Variants in GPT observed in about 807,000 individuals in gnomAD.
GPT encodes alanine aminotransferase 1.
A neutral mutation model predicts 51.4 loss-of-function variants in GPT; 60 were observed. The observed-to-expected ratio is 1.17, with a 90% CI of 0.95 to 1.45. The LOEUF is 1.45. GPT is among the 40% of genes most tolerant of loss of function. The probability of loss-of-function intolerance (pLI) is 0.00; values close to 1 mark genes in which losing one functional copy is unlikely to be tolerated. For missense variants in GPT, 853 were observed against 704.0 expected (o/e 1.21, Z -2.40); for synonymous variants, 397 against 303.1 (o/e 1.31, Z -3.22).
In GPT at chr8:144,506,844, G is replaced by A. The variant is rs750175698; in HGVS notation, c.1400+1G>A. 9 of 1,612,594 alleles carry A rather than the reference G, an allele frequency of 5.6e-6. No homozygotes were observed. The East Asian group carries it at 1.1e-4, about 20-fold the overall frequency. ...AGCGGGAAGGCACCTACCACTTCCG[G>A]TGAGGCCTGGCCCTCACTCCCTGTC... On this transcript the variant is annotated splice_donor_variant, in intron 10 of 10. Transcript: ENST00000394955. LOFTEE classifies it high-confidence loss of function. The surrounding 1 kb of genome is among the most constrained non-coding windows in gnomAD (Gnocchi z 7.0).
rs376386494 is a variant in GPT, at chr8:144,506,010, G to C, written c.835G>C (p.Val279Leu). The C allele has an allele frequency of 6.8e-6, 11 of 1,612,292 alleles. No homozygotes were observed. The African/African-American group carries it at 1.5e-4, about 22-fold the overall frequency. Residue 279 changes from valine (V) to leucine (L), a missense_variant, in exon 7 of 11, where the codon GTG (valine) becomes CTG (leucine). By Grantham distance (32) the Val-to-Leu change is conservative. Transcript: ENST00000394955. The surrounding 1 kb of genome is among the most constrained non-coding windows in gnomAD (Gnocchi z 7.0). ...LLADEVYQDN[V>L]YAAGSQFHSF... ...GCCCTTCCAGGTGTACCAGGACAAC[G>C]TGTACGCCGCGGGTTCGCAGTTCCA...
rs775104723 is a variant in GPT, at chr8:144,506,636, C to T, written c.1267C>T (p.Arg423Trp). The T allele has an allele frequency of 5.4e-6, 7 of 1,301,142 alleles. No homozygotes were observed. The highest frequency in any genetic ancestry group is 4.9e-5 in the South Asian group (4 of 81,276). The allele number at this position is 1,301,142 out of a possible 1,614,324, so 80.6% of individuals were successfully genotyped here. A position where few individuals can be genotyped will look rare whatever the true frequency, so the allele number is the denominator to read the frequency against. Residue 423 changes from arginine to tryptophan, a missense_variant, in exon 9 of 11, where the codon CGG (arginine) becomes TGG (tryptophan). Arg to Trp is a moderately radical substitution (Grantham distance 101). Transcript: ENST00000394955. The surrounding 1 kb of genome is among the most constrained non-coding windows in gnomAD (Gnocchi z 7.0). ...YSFPRVQLPP[R>W]AVERAQELGL... ...CTTCCCGCGCGTGCAGCTGCCCCCG[C>T]GGGCGGTGGAGCGCGCTCAGGTCAG...
At position 144,506,955 on chromosome 8, in the gene GPT, G is replaced by T. The variant is rs760337307; in HGVS notation, c.1446G>T (p.Glu482Asp). The T allele has an allele frequency of 3.1e-6, 5 of 1,612,740 alleles. No homozygotes were observed. Among genetic ancestry groups the T allele is most frequent in the Non-Finnish European group, 4.2e-6 (5 of 1,179,974 alleles). Residue 482 changes from glutamate to aspartate, a missense_variant, in exon 11 of 11, where the codon GAG (glutamate) becomes GAT (aspartate). Glu to Asp is a conservative substitution (Grantham distance 45). Transcript: ENST00000394955. This position sits in a 1 kb window ranked among gnomAD's most constrained non-coding sequence, Gnocchi z 7.0. ...TGGAGAAACTGCGGCTGCTGCTGGA[G>T]AAGCTGAGCAGGTTCCATGCCAAGT... The part of the protein sequence containing the change: ...PPLEKLRLLL[E>D]KLSRFHAKFT...
At position 144,506,572 on chromosome 8, in the gene GPT, T is replaced by A. The variant is rs762649719; in HGVS notation, c.1203T>A (p.Pro401=). Residue 401 remains proline (P), a synonymous_variant, in exon 9 of 11, where the codon CCT becomes CCA. Transcript: ENST00000394955. This position sits in a 1 kb window ranked among gnomAD's most constrained non-coding sequence, Gnocchi z 7.0. ...KLTEQVFNEA[P]GISCNPVQGA... is the part of the protein sequence containing the mutation. ...CCGAGCAGGTCTTCAATGAGGCTCC[T>A]GGCATCAGCTGCAACCCAGTGCAGG... 1.8e-5 allele frequency: 28 copies of A among 1,579,068 alleles called. No homozygotes were observed. The East Asian group carries it at 5.5e-4, about 31-fold the overall frequency.
rs752596725 is a variant in GPT, at chr8:144,504,364, G to A, written c.60G>A (p.Val20=). 23 of 1,611,306 alleles carry A rather than the reference G, an allele frequency of 1.4e-5. No individual in the cohort carries two copies. The Admixed American group carries it at 3.0e-4, about 21-fold the overall frequency. Residue 20 remains valine, a synonymous_variant, in exon 1 of 11, where the codon GTG becomes GTA. Transcript: ENST00000394955. ...TGAGGCATGGACTGAGGGCGAAGGTGCTGACGCTGGACGGCATGAACCCGC... is the reference window on the plus strand; with the variant it reads ...TGAGGCATGGACTGAGGGCGAAGGTACTGACGCTGGACGGCATGAACCCGC... ...QAVRHGLRAK[V]LTLDGMNPRV...
In GPT at chr8:144,504,754, G is replaced by C. The variant is rs773436396; in HGVS notation, c.253-17G>C. On this transcript the variant is annotated splice_polypyrimidine_tract_variant and intron_variant, in intron 2 of 10. Coordinates refer to ENST00000394955, the MANE Select transcript of GPT (RefSeq NM_005309.3). ...CCCCAGCCCATGTGCCCTGGCCTCA[G>C]CACTCCGTCTTCCCAGGTCTTGGCC... The C allele has an allele frequency of 6.2e-6, 10 of 1,610,810 alleles. No homozygotes were observed. The highest frequency in any genetic ancestry group is 1.7e-4 in the Middle Eastern group (1 of 6,058).
At chr8:144,505,957 G>A (rs1217316770) in intron 6 of GPT, 30 bp downstream of exon 6, 6 of 1,611,898 alleles carry the variant, frequency 3.7e-6, no homozygotes, top group East Asian at 4.5e-5. Context: ...GGGAAGCCGG[G>A]CAACAGTCCG....
rs551989240 is a variant in GPT, at chr8:144,506,022, G to A, written c.847G>A (p.Gly283Ser). ...EVYQDNVYAAGSQFHSFKKVL... is the reference protein window; with the variant it reads ...EVYQDNVYAASSQFHSFKKVL... ...GTACCAGGACAACGTGTACGCCGCG[G>A]GTTCGCAGTTCCACTCATTCAAGAA... Residue 283 changes from glycine to serine, a missense_variant, in exon 7 of 11, where the codon GGT (glycine) becomes AGT (serine). By Grantham distance (56) the Gly-to-Ser change is moderately conservative. Coordinates refer to ENST00000394955, the MANE Select transcript of GPT (RefSeq NM_005309.3). This position sits in a 1 kb window ranked among gnomAD's most constrained non-coding sequence, Gnocchi z 7.0. 6 of 1,612,430 alleles carry A rather than the reference G, an allele frequency of 3.7e-6. No homozygotes were observed. The highest frequency in any genetic ancestry group is 1.6e-4 in the Middle Eastern group (1 of 6,062).
upstream of GPT, chr8:144,504,034 C>G (rs1826661479): frequency 1.8e-6 from 1 of 546,420 alleles, no homozygotes; most frequent in South Asian, 2.0e-5. Context: ...CAAGCCCCGC[C>G]TGCCACCTCA....
rs1459669623 is a variant in GPT, at chr8:144,506,191, TG to T, written c.957-38del. ...CCATGGCCAGGCCCTCCTCGCCCGATGGGCCACCCCCTCCTCCGCACCTGAC... is the reference window on the plus strand; with the variant it reads ...CCATGGCCAGGCCCTCCTCGCCCGATGGCCACCCCCTCCTCCGCACCTGAC... On this transcript the variant is annotated intron_variant, in intron 7 of 10. Coordinates refer to ENST00000394955, the MANE Select transcript of GPT (RefSeq NM_005309.3). The surrounding 1 kb of genome is among the most constrained non-coding windows in gnomAD (Gnocchi z 7.0). The T allele has an allele frequency of 6.2e-7, 1 of 1,601,652 alleles. No individual in the cohort carries two copies. The highest frequency in any genetic ancestry group is 1.1e-5 in the South Asian group (1 of 90,092).
upstream of GPT, chr8:144,504,026 A>C (rs1826659915): frequency 1.9e-6 from 1 of 530,780 alleles, no homozygotes; most frequent in South Asian, 2.0e-5. Flanking sequence ...CCTTGCCCCA[A>C]GCCCCGCCTG....
At position 144,504,706 on chromosome 8, in the gene GPT, C is replaced by T. The variant is rs774627632; in HGVS notation, c.252+13C>T. 13 of 1,612,348 alleles carry T rather than the reference C, an allele frequency of 8.1e-6. No homozygotes were observed. In the East Asian group the frequency reaches 2.4e-4, roughly 30 times the overall value. ...CTTCCTGCGCCAGGTGAGGCTCCTG[C>T]ACTGCCCGGAGCACCCCCCCACCCC... On this transcript the variant is annotated intron_variant, in intron 2 of 10. Coordinates refer to ENST00000394955, the MANE Select transcript of GPT (RefSeq NM_005309.3).
upstream of GPT, among the ~76,000 whole-genome samples, chr8:144,503,403 G>A (rs1365189527): frequency 1.3e-5 from 2 of 152,160 alleles, no homozygotes; most frequent in Admixed American, 1.3e-4. Flanking sequence ...GAACAAGAGG[G>A]CTGGAGAGCT....
At chr8:144,504,541 T>C (rs1426853483) in intron 1 of GPT, 63 bp from the exon 2 acceptor site, 3 of 1,609,886 alleles carry the variant, frequency 1.9e-6, no homozygotes, top group Admixed American at 1.7e-5. Flanking sequence ...CACTGGCACA[T>C]GGGACAAGGG....
In GPT at chr8:144,504,165, G is replaced by A. The variant is rs527990674; in HGVS notation, c.-140G>A. 2.3e-6 allele frequency: 2 copies of A among 858,954 alleles called. No homozygotes were observed. Among genetic ancestry groups the A allele is most frequent in the Non-Finnish European group, 3.7e-6 (2 of 535,936 alleles). The allele number at this position is 858,954 out of a possible 1,614,324, so 53.2% of individuals were successfully genotyped here. A position where few individuals can be genotyped will look rare whatever the true frequency, so the allele number is the denominator to read the frequency against. On this transcript the variant is annotated 5_prime_UTR_variant, in exon 1 of 11. The change creates a new upstream start codon in the 5' untranslated region. Coordinates refer to ENST00000394955, the MANE Select transcript of GPT (RefSeq NM_005309.3). Reference sequence around the variant, plus strand: ...AGTGAGGCCAGCTGCGGTGAAGAGGGTGCTCTCTTGCCTGGAGTTCCCTCT... The same window carrying A: ...AGTGAGGCCAGCTGCGGTGAAGAGGATGCTCTCTTGCCTGGAGTTCCCTCT...
Position 144,505,438 on chromosome 8 carries a change from G to T in GPT, c.688G>T (p.Asp230Tyr). ...ELHRALGQAR[D>Y]HCRPRALCVI... ...TCACCGTGCACTGGGCCAGGCGCGT[G>T]ACCACTGCCGCCCTCGTGCGCTCTG... is the stretch of plus-strand genomic sequence containing the variant. The change falls in exon 5 of 11, where the codon GAC (aspartate) becomes TAC (tyrosine). Residue 230 changes from aspartate (D) to tyrosine (Y), a missense_variant. By Grantham distance (160) the Asp-to-Tyr change is radical. Coordinates refer to ENST00000394955, the MANE Select transcript of GPT (RefSeq NM_005309.3). 1 of 1,599,680 alleles carries T rather than the reference G, an allele frequency of 6.3e-7. No individual in the cohort carries two copies. The highest frequency in any genetic ancestry group is 8.5e-7 in the Non-Finnish European group (1 of 1,175,364).
chr8:144,503,690 C>T (rs1826644235), upstream of GPT: 1 of 154,168 alleles, frequency 6.5e-6, no homozygotes, highest in African/African-American at 2.4e-5. Flanking sequence ...CCCTGGATTC[C>T]TGAGGCCTGG....
rs1826669096 is a variant in GPT, at chr8:144,504,187, C to G, written c.-118C>G. 1.8e-6 allele frequency: 2 copies of G among 1,109,802 alleles called. No homozygotes were observed. The highest frequency in any genetic ancestry group is 2.6e-6 in the Non-Finnish European group (2 of 760,466). 68.7% of individuals were successfully genotyped at this position (1,109,802 alleles called of 1,614,324 possible). On this transcript the variant is annotated 5_prime_UTR_variant, in exon 1 of 11. Coordinates refer to ENST00000394955, the MANE Select transcript of GPT (RefSeq NM_005309.3). Reference sequence around the variant, plus strand: ...AGGGTGCTCTCTTGCCTGGAGTTCCCTCTGCTACGGCTGCCCCCTCCCAGC... The same window carrying G: ...AGGGTGCTCTCTTGCCTGGAGTTCCGTCTGCTACGGCTGCCCCCTCCCAGC...
Position 144,506,424 on chromosome 8 carries a change from G to C in GPT, c.1131+18G>C. The C allele has an allele frequency of 6.4e-7, 1 of 1,561,820 alleles. No homozygotes were observed. Among genetic ancestry groups the C allele is most frequent in the Non-Finnish European group, 8.7e-7 (1 of 1,155,160 alleles). ...TCCAGGCTGTGAGTTGGGGGCAGGAGGGGGTCCAGGTGACCTAATCAGGGG... is the reference window on the plus strand; with the variant it reads ...TCCAGGCTGTGAGTTGGGGGCAGGACGGGGTCCAGGTGACCTAATCAGGGG... On this transcript the variant is annotated intron_variant, in intron 8 of 10. Transcript: ENST00000394955. This position sits in a 1 kb window ranked among gnomAD's most constrained non-coding sequence, Gnocchi z 7.0.
Sources: gnomAD v4.1 joint callset for allele counts (sites outside exome capture counted in the v4.1 genomes callset) on GRCh38, gnomAD v4.1.1 for gene constraint, Gnocchi (gnomAD v3.1) non-coding constraint, MANE v1.5 for transcripts, NCBI Gene and HGNC (gene_info 2026-07-23, HGNC 2026-07-21) for gene names.